Variants in MCMBP observed in about 807,000 individuals in gnomAD.
The protein encoded by MCMBP is mini-chromosome maintenance complex-binding protein.
MCMBP carries 31 observed loss-of-function variants against 81.3 expected under a neutral mutation model. The observed-to-expected ratio is 0.38, with a 90% CI of 0.29 to 0.51. The LOEUF (loss-of-function observed/expected upper bound fraction) is 0.51. MCMBP is among the 20% of genes least tolerant of loss of function. The pLI is 0.87. For synonymous variants in MCMBP, 267 were observed against 275.9 expected, an observed-to-expected ratio of 0.97 and a Z score of 0.32; for missense variants, 645 against 772.1, an observed-to-expected ratio of 0.84 and a Z score of 1.95.
At chr10:119,844,487 G>A (rs2134358500) in intron 8 of MCMBP, among the ~76,000 whole-genome samples, 1 of 152,266 alleles carries the variant, frequency 6.6e-6, no homozygotes, top group Middle Eastern at 3.4e-3. Flanking sequence ...TTTACAATGA[G>A]GAAACCAAGC....
chr10:119,857,732 T>G (rs1441777172), intron 4 of MCMBP: 1 of 203,566 alleles, frequency 4.9e-6, no homozygotes, highest in Non-Finnish European at 1.0e-5. Context: ...ACTTTTATGA[T>G]GTTATCTAGG....
At chr10:119,865,018 CA>C (rs1454464755) in intron 1 of MCMBP, among the ~76,000 whole-genome samples, 2 of 152,144 alleles carry the variant, frequency 1.3e-5, no homozygotes, top group Non-Finnish European at 2.9e-5. Flanking sequence ...AAACAAATGT[CA>C]ATTAGATCTA....
chr10:119,833,811 T>C (rs1852139668), intron 14 of MCMBP, among the ~76,000 whole-genome samples: 2 of 152,136 alleles, frequency 1.3e-5, no homozygotes, highest in African/African-American at 4.8e-5. Context: ...AATTGGCTAT[T>C]TTAAACATTC....
intron 1 of MCMBP, among the ~76,000 whole-genome samples, chr10:119,870,372 A>G (rs912666208): frequency 3.3e-5 from 5 of 151,956 alleles, no homozygotes; most frequent in Non-Finnish European, 7.4e-5. Context: ...GCTTCAACCC[A>G]GGAGGCGGAG....
intron 1 of MCMBP, among the ~76,000 whole-genome samples, chr10:119,863,544 C>T (rs1477852190): frequency 6.6e-6 from 1 of 151,800 alleles, no homozygotes; most frequent in East Asian, 1.9e-4. Flanking sequence ...GCCTGGCCAA[C>T]ATGGCAAACC....
At chr10:119,872,253 G>A (rs1853707090) in intron 1 of MCMBP, among the ~76,000 whole-genome samples, 2 of 151,822 alleles carry the variant, frequency 1.3e-5, no homozygotes, top group South Asian at 2.1e-4. Context: ...ATCACAGCCC[G>A]CGAATCACAG....
At chr10:119,870,941 C>A (rs142264694) in intron 1 of MCMBP, among the ~76,000 whole-genome samples, 2 of 152,262 alleles carry the variant, frequency 1.3e-5, no homozygotes, top group African/African-American at 4.8e-5. Flanking sequence ...AAGTTACATC[C>A]TTCCTGTACT....
chr10:119,873,203 A>G (rs567720757), upstream of MCMBP, among the ~76,000 whole-genome samples: 4 of 152,118 alleles, frequency 2.6e-5, no homozygotes, highest in African/African-American at 9.7e-5. Context: ...AGTGGGCGAA[A>G]CCGCCTTGGG....
chr10:119,838,613 C>A lies in MCMBP; in HGVS notation c.1330G>T (p.Gly444Trp). ...GTATTGCTGGGCAGCTGGAGGAGCC[C>A]ACTGACCAAGCGATTGGCTGTGTAG... ...KDYTANRLVSGLLQLPSNTSL... is the reference protein window; with the variant it reads ...KDYTANRLVSWLLQLPSNTSL... The change falls in exon 12 of 16, where the codon GGG becomes TGG. Residue 444 changes from glycine (G) to tryptophan (W), a missense_variant. Gly to Trp is a radical substitution (Grantham distance 184). Coordinates refer to ENST00000369077, the MANE Select transcript of MCMBP (RefSeq NM_001256378.2). 1 of 1,614,118 alleles carries A rather than the reference C, an allele frequency of 6.2e-7. No individual in the cohort carries two copies. Among genetic ancestry groups the A allele is most frequent in the Non-Finnish European group, 8.5e-7 (1 of 1,179,982 alleles).
At chr10:119,856,805 A>C (rs1853063138) in intron 5 of MCMBP, among the ~76,000 whole-genome samples, 2 of 152,172 alleles carry the variant, frequency 1.3e-5, no homozygotes, top group South Asian at 4.1e-4. Flanking sequence ...TTTTACTTTA[A>C]TTATCATATT....
intron 6 of MCMBP, among the ~76,000 whole-genome samples, chr10:119,851,186 C>A (rs557199422): frequency 2.0e-5 from 3 of 152,142 alleles, no homozygotes; most frequent in Non-Finnish European, 4.4e-5. Flanking sequence ...TTATTTCTTA[C>A]AACTGCATGT....
chr10:119,836,022 A>C (rs1205377520), intron 13 of MCMBP, among the ~76,000 whole-genome samples: 2 of 152,072 alleles, frequency 1.3e-5, no homozygotes, highest in African/African-American at 2.4e-5. Context: ...TTTTGTAGAG[A>C]CAAGTTTCGT....
intron 1 of MCMBP, among the ~76,000 whole-genome samples, chr10:119,865,240 C>G (rs1039806994): frequency 6.6e-6 from 1 of 152,208 alleles, no homozygotes; most frequent in Non-Finnish European, 1.5e-5. Flanking sequence ...TCTTGGTGAA[C>G]TGACTGTTTT....
At chr10:119,833,466 C>G (rs1258339281) in intron 14 of MCMBP, among the ~76,000 whole-genome samples, 1 of 149,500 alleles carries the variant, frequency 6.7e-6, no homozygotes, top group Admixed American at 6.7e-5. Flanking sequence ...AAAGCAAGAC[C>G]TCATCACTAC....
intron 5 of MCMBP, 85 bp from the exon 6 acceptor site, chr10:119,853,279 T>C (rs1852898104): frequency 3.6e-6 from 5 of 1,385,090 alleles, no homozygotes; most frequent in Non-Finnish European, 4.9e-6. Context: ...AAAAAATTAC[T>C]AGTTTGGCAA....
At chr10:119,832,388 G>A (rs991410286) in intron 14 of MCMBP, among the ~76,000 whole-genome samples, 5 of 152,150 alleles carry the variant, frequency 3.3e-5, no homozygotes, top group Non-Finnish European at 4.4e-5. Flanking sequence ...AGAAGGGACC[G>A]CAGAAAACTG....
At position 119,847,616 on chromosome 10, in the gene MCMBP, T is replaced by C. The variant is rs765883231; in HGVS notation, c.824A>G (p.Glu275Gly). Reference protein sequence around the residue: ...DPVLSILNNDERDASALLDPM... With the variant: ...DPVLSILNNDGRDASALLDPM... ...AAAAAAGAGCACACAGACTCACCTT[T>C]CATCATTATTCAGTATACTCAGCAC... The change falls in exon 8 of 16, where the codon GAA (glutamate) becomes GGA (glycine). Residue 275 changes from glutamate to glycine, a missense_variant. Physicochemically the swap from Glu to Gly is moderately conservative, Grantham distance 98. Coordinates refer to ENST00000369077, the MANE Select transcript of MCMBP (RefSeq NM_001256378.2). 6.3e-7 allele frequency: 1 copy of C among 1,582,268 alleles called. No individual in the cohort carries two copies.
At chr10:119,833,668 T>C (rs1354361859) in intron 14 of MCMBP, among the ~76,000 whole-genome samples, 1 of 152,078 alleles carries the variant, frequency 6.6e-6, no homozygotes, top group Non-Finnish European at 1.5e-5. Flanking sequence ...GAGACCCCAC[T>C]GACCAAATAA....
At chr10:119,872,459 G>GT (rs1853721421) in intron 1 of MCMBP, 68 bp downstream of exon 1, 3 of 982,074 alleles carry the variant, frequency 3.1e-6, no homozygotes, top group Non-Finnish European at 3.9e-6. Flanking sequence ...GCCGCGCGGC[G>GT]GGGCCCTGCC....
Sources: allele counts gnomAD v4.1 joint callset (sites outside exome capture counted in the v4.1 genomes callset), GRCh38; gene constraint gnomAD v4.1.1; transcripts MANE v1.5; gene names NCBI Gene and HGNC (gene_info 2026-07-23, HGNC 2026-07-21).